Variants in SHE observed in about 807,000 individuals in gnomAD.
SHE encodes the protein Src homology 2 domain containing E.
In SHE, 11 loss-of-function variants were observed where a neutral mutation model predicts 49.8. The ratio of observed to expected loss-of-function variants is 0.22; its 90% confidence interval spans 0.14 to 0.37. The LOEUF (loss-of-function observed/expected upper bound fraction) is 0.37, where lower values mean the gene tolerates loss of function less well. Among genes scored for constraint, SHE ranks in the 10% least tolerant of loss-of-function variants. SHE has a pLI of 1.00. For synonymous variants in SHE, 310 were observed against 278.1 expected, an observed-to-expected ratio of 1.11 and a Z score of -1.14; for missense variants, 624 against 655.5, an observed-to-expected ratio of 0.95 and a Z score of 0.52.
chr1:154,489,770 G>T (rs1692307186), intron 2 of SHE, among the ~76,000 whole-genome samples: 1 of 151,526 alleles, frequency 6.6e-6, no homozygotes, highest in Non-Finnish European at 1.5e-5. Flanking sequence ...CCAGATAAAA[G>T]AATTGTAATA....
At chr1:154,498,763 T>C (rs1570861253) in intron 2 of SHE, among the ~76,000 whole-genome samples, 2 of 152,168 alleles carry the variant, frequency 1.3e-5, no homozygotes, top group African/African-American at 4.8e-5. Context: ...GATGTATGAC[T>C]CCCATTATGA....
intron 1 of SHE, among the ~76,000 whole-genome samples, chr1:154,473,529 G>A (rs931709071): frequency 2.0e-5 from 3 of 151,948 alleles, no homozygotes; most frequent in Non-Finnish European, 4.4e-5. Flanking sequence ...GCAGCTGGGC[G>A]CTGTGGCTCA....
At chr1:154,493,724 T>G (rs1345230357) in intron 2 of SHE, among the ~76,000 whole-genome samples, 1 of 152,210 alleles carries the variant, frequency 6.6e-6, no homozygotes, top group Admixed American at 6.5e-5. Flanking sequence ...AAGATTTTCT[T>G]TTACTAAATT....
Position 154,502,006 on chromosome 1 carries a change from A to AGGGGTCG in SHE, c.14_20dup (p.Gly8AspfsTer161). On this transcript the variant is annotated frameshift_variant, in exon 1 of 6. Transcript: ENST00000304760. LOFTEE classifies it high-confidence loss of function. ...CCCAGCCCAGACACGCAGAGGCGCC[A>AGGGGTCG]GGGGTCGGGGACCACTGCATTCCCC... 7.2e-7 allele frequency: 1 copy of AGGGGTCG among 1,388,196 alleles called. No homozygotes were observed. 86.0% of individuals were successfully genotyped at this position (1,388,196 alleles called of 1,614,324 possible).
Position 154,480,395 on chromosome 1 carries a change from A to C in SHE, c.*3754T>G. ...CAGAAACTAACCCCACTTAACCCGC[A>C]ACTGAAGAATGCCTCACAGTTATTC... On this transcript the variant is annotated 3_prime_UTR_variant, in exon 6 of 6. Coordinates refer to ENST00000304760, the MANE Select transcript of SHE (RefSeq NM_001010846.3). The C allele has an allele frequency of 1.0e-6, 1 of 985,430 alleles. No individual in the cohort carries two copies. Among genetic ancestry groups the C allele is most frequent in the Non-Finnish European group, 1.2e-6 (1 of 829,924 alleles). The allele number at this position is 985,430 out of a possible 1,614,324, so 61.0% of individuals were successfully genotyped here.
At chr1:154,497,484 T>C (rs1368572413) in intron 2 of SHE, among the ~76,000 whole-genome samples, 5 of 152,212 alleles carry the variant, frequency 3.3e-5, no homozygotes, top group African/African-American at 9.6e-5. Context: ...AATAAATCTA[T>C]ATTATTTTTA....
At chr1:154,494,872 T>C (rs565251694) in intron 2 of SHE, among the ~76,000 whole-genome samples, 16 of 152,052 alleles carry the variant, frequency 1.1e-4, no homozygotes, top group Non-Finnish European at 1.8e-4. Flanking sequence ...ACCAACATGG[T>C]GAAACCCCGT....
chr1:154,499,332 AAGG>A (rs1227842919), intron 1 of SHE, 94 bp from the exon 2 acceptor site: 1 of 1,409,200 alleles, frequency 7.1e-7, no homozygotes, highest in Non-Finnish European at 9.6e-7. Flanking sequence ...CTGCATATCC[AAGG>A]AGGTCAAAAT....
downstream of SHE, among the ~76,000 whole-genome samples, chr1:154,477,077 G>A (rs1309956259): frequency 2.0e-5 from 3 of 152,194 alleles, no homozygotes; most frequent in Non-Finnish European, 2.9e-5. Flanking sequence ...ACACTACCCA[G>A]TTCTACAGGC....
chr1:154,483,219 A>G lies in SHE; in HGVS notation c.*930T>C, dbSNP rs1692069119. The G allele has an allele frequency of 1.0e-6, 1 of 985,308 alleles. No individual in the cohort carries two copies. The highest frequency in any genetic ancestry group is 1.2e-6 in the Non-Finnish European group (1 of 829,936). 61.0% of individuals were successfully genotyped at this position (985,308 alleles called of 1,614,324 possible). On this transcript the variant is annotated 3_prime_UTR_variant, in exon 6 of 6. Transcript: ENST00000304760. ...TATCTCACTGATTTGCTAAAAAATG[A>G]GAAAATCCACAGAGATTGAGAGAAC...
Position 154,483,344 on chromosome 1 carries a change from G to A in SHE, c.*805C>T. 2.0e-6 allele frequency: 2 copies of A among 985,402 alleles called. No individual in the cohort carries two copies. The highest frequency in any genetic ancestry group is 2.4e-6 in the Non-Finnish European group (2 of 829,926). The allele number at this position is 985,402 out of a possible 1,614,324, so 61.0% of individuals were successfully genotyped here. On this transcript the variant is annotated 3_prime_UTR_variant, in exon 6 of 6. Coordinates refer to ENST00000304760, the MANE Select transcript of SHE (RefSeq NM_001010846.3). The stretch of plus-strand genomic sequence containing the variant: ...TCCAGAGCTGAATTAGGACTTCTGA[G>A]GGAGAAAGACCACCTTCTTGCCCGT...
chr1:154,496,892 TA>T (rs1692547821), intron 2 of SHE, among the ~76,000 whole-genome samples: 1 of 152,134 alleles, frequency 6.6e-6, no homozygotes, highest in Admixed American at 6.5e-5. Context: ...AAGATAAGAA[TA>T]AAAACCCAAG....
At chr1:154,484,534 G>C in intron 5 of SHE, 199 bp from the exon 6 acceptor site, 1 of 521,760 alleles carries the variant, frequency 1.9e-6, no homozygotes, top group East Asian at 3.0e-5. Context: ...TCCTTGAGTG[G>C]TTTATCCTTA....
At chr1:154,486,811 A>G in intron 3 of SHE, 128 bp from the exon 4 acceptor site, 1 of 1,000,028 alleles carries the variant, frequency 1.0e-6, no homozygotes, top group Non-Finnish European at 1.4e-6. Flanking sequence ...ATTAACTATA[A>G]TATACTGCAA....
At position 154,489,241 on chromosome 1, in the gene SHE, A is replaced by T; in HGVS notation, c.834T>A (p.Ser278Arg). ...GCGGCTTCCCCAGGAGGTCCTTGGA[A>T]CTCCGTCTTTTGGCCAAGGTCTCTG... The part of the protein sequence containing the change: ...LKSETLAKRR[S>R]SKDLLGKPPQ... Residue 278 changes from serine (S) to arginine (R), a missense_variant, in exon 3 of 6, where the codon AGT (serine) becomes AGA (arginine). Coordinates refer to ENST00000304760, the MANE Select transcript of SHE (RefSeq NM_001010846.3). The T allele has an allele frequency of 6.2e-7, 1 of 1,612,888 alleles. No individual in the cohort carries two copies. The highest frequency in any genetic ancestry group is 1.1e-5 in the South Asian group (1 of 90,988).
At position 154,481,400 on chromosome 1, in the gene SHE, A is replaced by C; in HGVS notation, c.*2749T>G. The C allele has an allele frequency of 1.0e-6, 1 of 985,488 alleles. No homozygotes were observed. The highest frequency in any genetic ancestry group is 1.2e-6 in the Non-Finnish European group (1 of 829,940). 61.0% of individuals were successfully genotyped at this position (985,488 alleles called of 1,614,324 possible). A position where few individuals can be genotyped will look rare whatever the true frequency, so the allele number is the denominator to read the frequency against. ...AAACTCTGCCTCTCCTCTACTTTTA[A>C]TTCTATAAAGAATATAGTATGACTT... On this transcript the variant is annotated 3_prime_UTR_variant, in exon 6 of 6. Coordinates refer to ENST00000304760, the MANE Select transcript of SHE (RefSeq NM_001010846.3).
Position 154,483,937 on chromosome 1 carries a change from G to A in SHE, c.*212C>T. The A allele has an allele frequency of 7.6e-7, 1 of 1,321,430 alleles. No individual in the cohort carries two copies. Among genetic ancestry groups the A allele is most frequent in the Non-Finnish European group, 9.8e-7 (1 of 1,023,796 alleles). The allele number at this position is 1,321,430 out of a possible 1,614,324, so 81.9% of individuals were successfully genotyped here. ...TGCTTGAACCCAGGAGTCAGATGTT[G>A]CAGTGAGCCAAGATTGCGCCATTGC... On this transcript the variant is annotated 3_prime_UTR_variant, in exon 6 of 6. Transcript: ENST00000304760.
intron 2 of SHE, among the ~76,000 whole-genome samples, chr1:154,492,970 G>C (rs1397638455): frequency 6.6e-6 from 1 of 152,218 alleles, no homozygotes; most frequent in Non-Finnish European, 1.5e-5. Context: ...TGGATGGGCA[G>C]TGTTCCTACC....
intron 2 of SHE, among the ~76,000 whole-genome samples, chr1:154,494,334 G>GT (rs1192901530): frequency 6.8e-6 from 1 of 148,082 alleles, no homozygotes; most frequent in Non-Finnish European, 1.5e-5. Flanking sequence ...TCCATAAGAG[G>GT]TTTTTTCTGT....
Sources: gnomAD v4.1 joint callset for allele counts (sites outside exome capture counted in the v4.1 genomes callset) on GRCh38, gnomAD v4.1.1 for gene constraint, MANE v1.5 for transcripts, NCBI Gene and HGNC (gene_info 2026-07-23, HGNC 2026-07-21) for gene names.